Variants in THADA observed in about 807,000 individuals in gnomAD.
THADA encodes the protein THADA armadillo repeat containing.
THADA carries 213 observed loss-of-function variants against 219.8 expected under a neutral mutation model. The ratio of observed to expected loss-of-function variants is 0.97; its 90% confidence interval spans 0.87 to 1.09. The LOEUF is 1.09. THADA is among the 50% of genes least tolerant of loss of function. The probability of loss-of-function intolerance (pLI) is 0.00; values close to 1 mark genes in which losing one functional copy is unlikely to be tolerated. For synonymous variants in THADA, 1,018 were observed against 828.9 expected, an observed-to-expected ratio of 1.23 and a Z score of -3.92; for missense variants, 2,956 against 2,311.3, an observed-to-expected ratio of 1.28 and a Z score of -5.72.
At chr2:43,520,332 A>T (rs988129001) in intron 22 of THADA, among the ~76,000 whole-genome samples, 1 of 152,228 alleles carries the variant, frequency 6.6e-6, no homozygotes, top group Non-Finnish European at 1.5e-5. Flanking sequence ...GTAAAATTGC[A>T]ACCTTCTTAA....
At chr2:43,393,921 G>C (rs1673711464) in intron 29 of THADA, among the ~76,000 whole-genome samples, 1 of 152,106 alleles carries the variant, frequency 6.6e-6, no homozygotes, top group South Asian at 2.1e-4. Flanking sequence ...CATGATTGGT[G>C]GCCAAGCTCC....
chr2:43,258,590 T>C (rs1026834068), intron 36 of THADA, among the ~76,000 whole-genome samples: 7 of 152,152 alleles, frequency 4.6e-5, no homozygotes, highest in African/African-American at 1.4e-4. Context: ...TTCATTTAAC[T>C]GGGTGTCCTA....
intron 29 of THADA, among the ~76,000 whole-genome samples, chr2:43,361,979 A>G (rs1345445192): frequency 6.6e-6 from 1 of 152,240 alleles, no homozygotes; most frequent in Non-Finnish European, 1.5e-5. Flanking sequence ...AAATTCACAT[A>G]TCCAGAGGTA....
At chr2:43,556,138 T>G (rs910506192) in intron 17 of THADA, 2 of 1,136,662 alleles carry the variant, frequency 1.8e-6, no homozygotes, top group Non-Finnish European at 2.3e-6. Context: ...GTATATGTAC[T>G]TATTCAACAT....
At chr2:43,423,580 C>T (rs1384037504) in intron 28 of THADA, among the ~76,000 whole-genome samples, 13 of 152,034 alleles carry the variant, frequency 8.6e-5, no homozygotes. Flanking sequence ...CTACAGGCGC[C>T]TGCCACTATG....
chr2:43,331,969 C>T (rs1665837483), intron 30 of THADA, among the ~76,000 whole-genome samples: 1 of 127,248 alleles, frequency 7.9e-6, no homozygotes, highest in African/African-American at 3.2e-5. Flanking sequence ...CAATGCTGGG[C>T]GCTGTACTAA....
chr2:43,587,519 G>A (rs942212130), intron 4 of THADA, among the ~76,000 whole-genome samples: 1 of 152,022 alleles, frequency 6.6e-6, no homozygotes, highest in Non-Finnish European at 1.5e-5. Flanking sequence ...TGCTTCTGCT[G>A]TTTCCTCCAT....
chr2:43,440,085 C>T (rs2104856263), intron 26 of THADA, among the ~76,000 whole-genome samples: 1 of 152,238 alleles, frequency 6.6e-6, no homozygotes, highest in East Asian at 1.9e-4. Context: ...CCCCACAGTG[C>T]CTTTCCTCAT....
intron 28 of THADA, among the ~76,000 whole-genome samples, chr2:43,402,327 G>A (rs1178010182): frequency 1.3e-5 from 2 of 152,142 alleles, no homozygotes; most frequent in Admixed American, 1.3e-4. Context: ...GAAGTGGGAG[G>A]CAGAGCTGAG....
intron 29 of THADA, among the ~76,000 whole-genome samples, chr2:43,367,522 G>C (rs1490264051): frequency 6.6e-6 from 1 of 152,118 alleles, no homozygotes; most frequent in Non-Finnish European, 1.5e-5. Flanking sequence ...GGTATTGTGA[G>C]CCTGCATTAA....
At chr2:43,500,298 G>T (rs964213156) in intron 24 of THADA, among the ~76,000 whole-genome samples, 2 of 152,210 alleles carry the variant, frequency 1.3e-5, no homozygotes, top group African/African-American at 4.8e-5. Flanking sequence ...GGGGCTTTCA[G>T]TTGCTAGAAA....
intron 31 of THADA, among the ~76,000 whole-genome samples, chr2:43,319,223 G>A (rs1476167850): frequency 1.3e-5 from 2 of 152,146 alleles, no homozygotes; most frequent in Non-Finnish European, 2.9e-5. Flanking sequence ...GCAACTCTGT[G>A]GTCCCTTACA....
At chr2:43,540,819 G>A (rs1254155809) in intron 21 of THADA, among the ~76,000 whole-genome samples, 1 of 152,128 alleles carries the variant, frequency 6.6e-6, no homozygotes, top group Non-Finnish European at 1.5e-5. Context: ...CAAAATTTAA[G>A]AGATTTGTGG....
intron 29 of THADA, among the ~76,000 whole-genome samples, chr2:43,397,702 T>C (rs2104713709): frequency 6.7e-6 from 1 of 149,840 alleles, no homozygotes; most frequent in Non-Finnish European, 1.5e-5. Context: ...TTCAGAGAGG[T>C]GAGGCCAAGT....
chr2:43,531,314 TA>T (rs1693834532), intron 21 of THADA, among the ~76,000 whole-genome samples: 2 of 152,226 alleles, frequency 1.3e-5, no homozygotes, highest in Admixed American at 6.5e-5. Context: ...GCTGGGAGAC[TA>T]GAATGAATAG....
At position 43,329,826 on chromosome 2, in the gene THADA, C is replaced by T. The variant is rs765793473; in HGVS notation, c.4344-9286G>A. ...CTGGTGAAAAGCAAGGCTCCAAGTG[C>T]AGCTGTTTCTGTGAGGACCAGCATA... is the stretch of plus-strand genomic sequence containing the variant. On this transcript the variant is annotated intron_variant, in intron 30 of 37. Transcript: ENST00000405975. Among the ~76,000 whole-genome samples, 120 of 152,210 alleles carry T rather than the reference C, an allele frequency of 7.9e-4. 1 individual carries two copies. Among genetic ancestry groups the T allele is most frequent in the Non-Finnish European group, 1.5e-3 (103 of 68,046 alleles).
rs921001741 is a variant in THADA, at chr2:43,392,634, C to G, written c.4227+5337G>C. 2.0e-4 allele frequency among the ~76,000 whole-genome samples: 30 copies of G among 152,184 alleles called. No individual in the cohort carries two copies. The South Asian group carries it at 6.2e-3, about 32-fold the overall frequency. On this transcript the variant is annotated intron_variant, in intron 29 of 37. Transcript: ENST00000405975. The stretch of plus-strand genomic sequence containing the variant: ...CCATCCAGCCCAACACTACTGTTCC[C>G]ATCACGTAAAGATTCTGGCTCTACA...
intron 28 of THADA, among the ~76,000 whole-genome samples, chr2:43,399,732 T>C (rs1674558657): frequency 1.3e-5 from 2 of 152,172 alleles, no homozygotes; most frequent in African/African-American, 4.8e-5. Context: ...TCCTGGACAG[T>C]TCCCAAAACT....
chr2:43,438,703 T>TGGGG (rs1573649666), intron 26 of THADA, among the ~76,000 whole-genome samples: 1 of 151,922 alleles, frequency 6.6e-6, no homozygotes, highest in Non-Finnish European at 1.5e-5. Flanking sequence ...ATTACAGTAG[T>TGGGG]CCCCCCCTTA....
Sources: allele counts gnomAD v4.1 joint callset (sites outside exome capture counted in the v4.1 genomes callset), GRCh38; gene constraint gnomAD v4.1.1; transcripts MANE v1.5; gene names NCBI Gene and HGNC (gene_info 2026-07-23, HGNC 2026-07-21).